The following DIAPH3 variants were observed in gnomAD, a reference collection of about 807,000 sequenced individuals.
DIAPH3 encodes diaphanous related formin 3.
A neutral mutation model predicts 144.3 loss-of-function variants in DIAPH3; 117 were observed. The ratio of observed to expected loss-of-function variants is 0.81; its 90% CI spans 0.70 to 0.95. The LOEUF (loss-of-function observed/expected upper bound fraction) is 0.95. DIAPH3 is among the 40% of genes least tolerant of loss of function. DIAPH3 has a pLI of 0.00. For missense variants in DIAPH3, 1,421 were observed against 1,412.7 expected, an observed-to-expected ratio of 1.01 and a Z score of -0.09; for synonymous variants, 519 against 488.9, an observed-to-expected ratio of 1.06 and a Z score of -0.81.
intron 27 of DIAPH3, among the ~76,000 whole-genome samples, chr13:59,713,958 G>A (rs866033929): frequency 3.9e-5 from 6 of 152,250 alleles, no homozygotes; most frequent in African/African-American, 1.4e-4. Flanking sequence ...GCTCATGCCT[G>A]TAATTCCAGT....
chr13:59,972,916 A>C (rs1326266773), intron 15 of DIAPH3, among the ~76,000 whole-genome samples: 1 of 152,212 alleles, frequency 6.6e-6, no homozygotes, highest in Admixed American at 6.5e-5. Flanking sequence ...CATACTCTTC[A>C]TAGTCAGCAT....
At chr13:59,924,354 G>A (rs1385402764) in intron 18 of DIAPH3, among the ~76,000 whole-genome samples, 4 of 151,966 alleles carry the variant, frequency 2.6e-5, no homozygotes, top group East Asian at 1.9e-4. Flanking sequence ...CCTTATTTCC[G>A]TTAATATTAT....
At chr13:60,087,326 T>C (rs2057778896) in intron 4 of DIAPH3, among the ~76,000 whole-genome samples, 1 of 152,210 alleles carries the variant, frequency 6.6e-6, no homozygotes, top group Admixed American at 6.5e-5. Flanking sequence ...CAGAATACAA[T>C]GTCTTCCATC....
intron 24 of DIAPH3, among the ~76,000 whole-genome samples, chr13:59,823,777 G>A (rs1347011125): frequency 6.6e-6 from 1 of 152,120 alleles, no homozygotes; most frequent in East Asian, 1.9e-4. Flanking sequence ...TAATCTAAAT[G>A]ATTTGGCAAA....
chr13:60,113,010 A>C lies in DIAPH3; in HGVS notation c.214-824T>G, dbSNP rs1044403238. ...CAAAAAGTCTTAAGCTGAACCAGGC[A>C]TCAAGAATAGAAGTATACTCAAACA... On this transcript the variant is annotated intron_variant, in intron 2 of 27. Transcript: ENST00000400324. 7.2e-5 allele frequency among the ~76,000 whole-genome samples: 11 copies of C among 152,330 alleles called. 1 individual carries two copies. The South Asian group carries it at 2.1e-3, about 29-fold the overall frequency.
At chr13:60,097,556 C>T (rs2058142140) in intron 3 of DIAPH3, among the ~76,000 whole-genome samples, 1 of 152,130 alleles carries the variant, frequency 6.6e-6, no homozygotes, top group South Asian at 2.1e-4. Flanking sequence ...AACTGACAGC[C>T]AAATAAACCT....
At chr13:60,005,075 C>T (rs190738387) in intron 9 of DIAPH3, among the ~76,000 whole-genome samples, 3 of 152,270 alleles carry the variant, frequency 2.0e-5, no homozygotes, top group African/African-American at 7.2e-5. Flanking sequence ...ATGTTCACAG[C>T]AGCATTTTTC....
intron 9 of DIAPH3, among the ~76,000 whole-genome samples, chr13:59,999,435 GT>G (rs986156111): frequency 6.6e-6 from 1 of 151,280 alleles, no homozygotes; most frequent in African/African-American, 2.4e-5. Flanking sequence ...AGATTGAAGA[GT>G]TTTTTTTTAA....
chr13:59,689,886 C>A (rs1055132214), intron 27 of DIAPH3, among the ~76,000 whole-genome samples: 2 of 151,844 alleles, frequency 1.3e-5, no homozygotes, highest in Non-Finnish European at 2.9e-5. Context: ...ATAATTATGA[C>A]CCTTCCAGGA....
intron 9 of DIAPH3, among the ~76,000 whole-genome samples, chr13:60,006,666 G>T (rs1429051386): frequency 6.6e-6 from 1 of 152,106 alleles, no homozygotes; most frequent in African/African-American, 2.4e-5. Context: ...GCAGGGAAGG[G>T]GGAGCTCAGA....
intron 27 of DIAPH3, among the ~76,000 whole-genome samples, chr13:59,755,140 C>T (rs895671450): frequency 2.0e-5 from 3 of 152,144 alleles, no homozygotes; most frequent in Non-Finnish European, 4.4e-5. Context: ...AGAGTTCAAA[C>T]TACATGGTGT....
rs779927488 is a variant in DIAPH3, at chr13:59,879,234, A to T, written c.2602T>A (p.Cys868Ser). ...QTFGFNLSSL[C>S]KLKDTKSADQ... Reference sequence around the variant, plus strand: ...TTTTAAAAAAACAAACTCACTTTACAGAGAGAGCTAAGGTTAAATCCGAAG... The same window carrying T: ...TTTTAAAAAAACAAACTCACTTTACTGAGAGAGCTAAGGTTAAATCCGAAG... Residue 868 changes from cysteine (C) to serine (S), a missense_variant, in exon 21 of 28, where the codon TGT (cysteine) becomes AGT (serine). Transcript: ENST00000400324. 1 of 1,613,760 alleles carries T rather than the reference A, an allele frequency of 6.2e-7. No homozygotes were observed. The highest frequency in any genetic ancestry group is 8.5e-7 in the Non-Finnish European group (1 of 1,179,728).
intron 27 of DIAPH3, among the ~76,000 whole-genome samples, chr13:59,697,459 CAAAAAAAAAAAAAAAAAA>C (rs58372882): frequency 7.1e-4 from 22 of 31,192 alleles, no homozygotes; most frequent in Admixed American, 3.7e-3. Flanking sequence ...GACACTGTCT[CAAAAAAAAAAAAAAAAAA>C]AAAAAAAAAA....
intron 25 of DIAPH3, among the ~76,000 whole-genome samples, chr13:59,784,165 C>T (rs2038903839): frequency 6.6e-6 from 1 of 152,116 alleles, no homozygotes; most frequent in African/African-American, 2.4e-5. Flanking sequence ...TCACTACAAA[C>T]TCCGCCTCCC....
intron 22 of DIAPH3, among the ~76,000 whole-genome samples, chr13:59,847,143 A>G (rs2042686834): frequency 6.6e-6 from 1 of 152,188 alleles, no homozygotes; most frequent in South Asian, 2.1e-4. Flanking sequence ...AAGTAGTTGT[A>G]CCTTCCTTGA....
intron 17 of DIAPH3, among the ~76,000 whole-genome samples, chr13:59,939,412 C>T (rs2048414085): frequency 6.6e-6 from 1 of 152,158 alleles, no homozygotes; most frequent in South Asian, 2.1e-4. Flanking sequence ...GATTTCTAAG[C>T]TTATAGTAGC....
chr13:59,834,843 T>C (rs2041962053), intron 23 of DIAPH3, among the ~76,000 whole-genome samples: 1 of 151,750 alleles, frequency 6.6e-6, no homozygotes, highest in Admixed American at 6.6e-5. Flanking sequence ...TCTATTTTGT[T>C]TTCCTTTACC....
chr13:60,143,199 T>C (rs967826528), intron 1 of DIAPH3, among the ~76,000 whole-genome samples: 1 of 152,184 alleles, frequency 6.6e-6, no homozygotes, highest in Non-Finnish European at 1.5e-5. Context: ...AAATGCTGCC[T>C]GATTCAGGAA....
chr13:59,864,918 G>A (rs2043826242), intron 21 of DIAPH3, among the ~76,000 whole-genome samples: 1 of 151,922 alleles, frequency 6.6e-6, no homozygotes, highest in South Asian at 2.1e-4. Context: ...TTTAACAATT[G>A]AAAGACACCA....
Sources: gnomAD v4.1 joint callset for allele counts (sites outside exome capture counted in the v4.1 genomes callset) on GRCh38, gnomAD v4.1.1 for gene constraint, MANE v1.5 for transcripts, NCBI Gene and HGNC (gene_info 2026-07-23, HGNC 2026-07-21) for gene names.